EPC1: variants seen among roughly 807,000 people sequenced by gnomAD.
EPC1 encodes enhancer of polycomb homolog 1.
A neutral mutation model predicts 98.4 loss-of-function variants in EPC1; 12 were observed. The ratio of observed to expected loss-of-function variants is 0.12; its 90% CI spans 0.08 to 0.20. EPC1 has a LOEUF of 0.20. Among genes scored for constraint, EPC1 ranks in the 10% least tolerant of loss-of-function variants. The pLI is 1.00. For synonymous variants in EPC1, 357 were observed against 363.9 expected, an observed-to-expected ratio of 0.98 and a Z score of 0.21; for missense variants, 729 against 990.5, an observed-to-expected ratio of 0.74 and a Z score of 3.54.
chr10:32,351,121 G>T (rs547687382), upstream of EPC1, among the ~76,000 whole-genome samples: 4 of 152,232 alleles, frequency 2.6e-5, no homozygotes, highest in South Asian at 8.3e-4. Context: ...TGGGTCCCTG[G>T]GGCCTCACAA....
At chr10:32,329,189 T>C (rs1837491177) in intron 1 of EPC1, among the ~76,000 whole-genome samples, 2 of 152,244 alleles carry the variant, frequency 1.3e-5, no homozygotes, top group African/African-American at 2.4e-5. Context: ...ATGTAACTTC[T>C]GGCCAGAGCA....
chr10:32,375,261 A>G (rs1338591005), intron 1 of EPC1, among the ~76,000 whole-genome samples: 1 of 152,090 alleles, frequency 6.6e-6, no homozygotes, highest in Non-Finnish European at 1.5e-5. Flanking sequence ...CTTCTTTTAA[A>G]AAAGTTCATT....
chr10:32,310,363 G>A (rs1024007417), intron 1 of EPC1, among the ~76,000 whole-genome samples: 1 of 152,228 alleles, frequency 6.6e-6, no homozygotes, highest in African/African-American at 2.4e-5. Context: ...TACCTACCAC[G>A]TGGGATTGTG....
At chr10:32,309,058 C>T (rs999665195) in intron 1 of EPC1, among the ~76,000 whole-genome samples, 5 of 152,094 alleles carry the variant, frequency 3.3e-5, no homozygotes, top group African/African-American at 4.8e-5. Flanking sequence ...CGCATATTCT[C>T]GCTCATTATG....
intron 1 of EPC1, among the ~76,000 whole-genome samples, chr10:32,339,200 A>G (rs1838174911): frequency 6.6e-6 from 1 of 152,196 alleles, no homozygotes; most frequent in African/African-American, 2.4e-5. Context: ...CTCTAAACAC[A>G]TAAAATTCTT....
chr10:32,285,352 C>T (rs879520770), intron 9 of EPC1: 7 of 263,014 alleles, frequency 2.7e-5, no homozygotes, highest in Non-Finnish European at 5.0e-5. Flanking sequence ...AACTTCATTC[C>T]TTTTGGGGGG....
At position 32,340,877 on chromosome 10, in the gene EPC1, C is replaced by T. The variant is rs149489042; in HGVS notation, c.153+5886G>A. Among the ~76,000 whole-genome samples, 20 of 152,092 alleles carry T rather than the reference C, an allele frequency of 1.3e-4. No individual in the cohort carries two copies. The East Asian group carries it at 3.9e-3, about 29-fold the overall frequency. ...CAAGTTGTTTAAAACATTTGAATCC[C>T]TTGTCTTCTCATTGATTTCTCAGAA... On this transcript the variant is annotated intron_variant, in intron 1 of 13. Coordinates refer to ENST00000319778, the MANE Select transcript of EPC1 (RefSeq NM_001272004.3).
chr10:32,306,875 C>G (rs1420572427), intron 1 of EPC1, among the ~76,000 whole-genome samples: 2 of 151,952 alleles, frequency 1.3e-5, no homozygotes, highest in Non-Finnish European at 2.9e-5. Flanking sequence ...CACACACACA[C>G]ACACACACAC....
chr10:32,270,780 C>G (rs1042773895), intron 13 of EPC1, among the ~76,000 whole-genome samples: 9 of 127,504 alleles, frequency 7.1e-5, no homozygotes, highest in Admixed American at 4.0e-4. Flanking sequence ...TGAGATTGTG[C>G]CACTGCACTC....
chr10:32,301,197 A>C (rs1425119158), intron 2 of EPC1, among the ~76,000 whole-genome samples: 1 of 152,180 alleles, frequency 6.6e-6, no homozygotes, highest in Non-Finnish European at 1.5e-5. Flanking sequence ...TCGAGTATTA[A>C]GCGGAGAGCC....
intron 6 of EPC1, among the ~76,000 whole-genome samples, chr10:32,289,193 T>C (rs1466311952): frequency 6.6e-6 from 1 of 152,108 alleles, no homozygotes; most frequent in Non-Finnish European, 1.5e-5. Flanking sequence ...ATGCAAAATT[T>C]AAATAAAAAC....
intron 6 of EPC1, among the ~76,000 whole-genome samples, chr10:32,290,015 A>T (rs538297789): frequency 6.6e-6 from 1 of 152,246 alleles, no homozygotes; most frequent in East Asian, 1.9e-4. Context: ...GCTCTCCTTT[A>T]TTTACCTCAG....
At chr10:32,373,363 C>T (rs1006960078) in intron 1 of EPC1, among the ~76,000 whole-genome samples, 7 of 152,194 alleles carry the variant, frequency 4.6e-5, no homozygotes, top group African/African-American at 1.7e-4. Flanking sequence ...CCACAAGTGA[C>T]ATATCTGGCC....
chr10:32,336,351 A>T (rs1224751190), intron 1 of EPC1, among the ~76,000 whole-genome samples: 1 of 152,070 alleles, frequency 6.6e-6, no homozygotes, highest in Non-Finnish European at 1.5e-5. Context: ...TACAGGTGTG[A>T]GCCACCGTGC....
At chr10:32,325,356 T>C (rs1313008949) in intron 1 of EPC1, among the ~76,000 whole-genome samples, 1 of 152,248 alleles carries the variant, frequency 6.6e-6, no homozygotes, top group Non-Finnish European at 1.5e-5. Flanking sequence ...ACAATGGATA[T>C]GAGATAACTC....
chr10:32,360,301 T>G (rs745735910), intron 1 of EPC1, among the ~76,000 whole-genome samples: 5 of 152,206 alleles, frequency 3.3e-5, no homozygotes, highest in African/African-American at 9.6e-5. Flanking sequence ...CTGTTGCCTC[T>G]TTTCCTCATT....
intron 1 of EPC1, among the ~76,000 whole-genome samples, chr10:32,307,352 G>T (rs771862632): frequency 5.7e-4 from 86 of 152,154 alleles, no homozygotes; most frequent in African/African-American, 2.1e-3. Context: ...TGCTCAAAGG[G>T]TATATCTAAG....
chr10:32,372,506 T>A (rs1839777065), intron 1 of EPC1, among the ~76,000 whole-genome samples: 1 of 152,208 alleles, frequency 6.6e-6, no homozygotes, highest in Non-Finnish European at 1.5e-5. Context: ...GATCTTCTTT[T>A]CCCTGTAAAA....
In EPC1 at chr10:32,366,505, A is replaced by T. The variant is rs117412994; in HGVS notation, c.3+11986T>A. Among the ~76,000 whole-genome samples the T allele has an allele frequency of 9.4e-3, 1,436 of 152,338 alleles. 12 individuals carry two copies. The highest frequency in any genetic ancestry group is 0.027 in the Middle Eastern group (8 of 294). Reference sequence around the variant, plus strand: ...TTTTCAATTATGATATTGAAGAATGAAGTTTAATGCTAACCAGCTTAAGCC... The same window carrying T: ...TTTTCAATTATGATATTGAAGAATGTAGTTTAATGCTAACCAGCTTAAGCC... On this transcript the variant is annotated intron_variant, in intron 1 of 13. Transcript: ENST00000375110.
Sources: gnomAD v4.1 joint callset for allele counts (sites outside exome capture counted in the v4.1 genomes callset) on GRCh38, gnomAD v4.1.1 for gene constraint, MANE v1.5 for transcripts, NCBI Gene and HGNC (gene_info 2026-07-23, HGNC 2026-07-21) for gene names.